BMPR1A: variants seen among roughly 807,000 people sequenced by gnomAD.
The protein encoded by BMPR1A is bone morphogenetic protein receptor type 1A.
In BMPR1A, 7 loss-of-function variants were observed where a neutral mutation model predicts 66.0. The ratio of observed to expected loss-of-function variants is 0.11; its 90% CI spans 0.06 to 0.20. BMPR1A has a LOEUF of 0.20. BMPR1A is among the 10% of genes least tolerant of loss of function. BMPR1A has a pLI of 1.00. For synonymous variants in BMPR1A, 200 were observed against 229.7 expected, an observed-to-expected ratio of 0.87 and a Z score of 1.17; for missense variants, 408 against 669.1, an observed-to-expected ratio of 0.61 and a Z score of 4.31.
At chr10:86,858,278 A>C (rs185154129) in intron 2 of BMPR1A, among the ~76,000 whole-genome samples, 2 of 152,220 alleles carry the variant, frequency 1.3e-5, no homozygotes, top group Non-Finnish European at 2.9e-5. Flanking sequence ...ATTTATAATT[A>C]ATTTAGGAAC....
chr10:86,921,428 A>C, intron 10 of BMPR1A, 92 bp from the exon 11 acceptor site: 1 of 1,546,208 alleles, frequency 6.5e-7, no homozygotes, highest in Non-Finnish European at 8.9e-7. Flanking sequence ...CCCCAAGGAG[A>C]AAAAGAAGCT....
chr10:86,853,564 C>T (rs1842600469), intron 2 of BMPR1A, among the ~76,000 whole-genome samples: 1 of 151,682 alleles, frequency 6.6e-6, no homozygotes, highest in Non-Finnish European at 1.5e-5. Context: ...GGGAACCTGC[C>T]CCGATAGTCA....
At chr10:86,916,982 G>GACT (rs1255846242) in intron 8 of BMPR1A, 152 bp from the exon 9 acceptor site, 12 of 804,906 alleles carry the variant, frequency 1.5e-5, no homozygotes, top group Non-Finnish European at 2.5e-5. Flanking sequence ...GACAGAGCGA[G>GACT]ACTCCATCTC....
rs540820283 is a variant in BMPR1A, at chr10:86,807,583, A to C, written c.-267-31282A>C. Reference sequence around the variant, plus strand: ...TTTTGTGTAGAGACAGAGTCTTGCTATGTTGGCTAGTCTGGTCTTGAATTC... The same window carrying C: ...TTTTGTGTAGAGACAGAGTCTTGCTCTGTTGGCTAGTCTGGTCTTGAATTC... On this transcript the variant is annotated intron_variant, in intron 1 of 12. Coordinates refer to ENST00000372037, the MANE Select transcript of BMPR1A (RefSeq NM_004329.3). Among the ~76,000 whole-genome samples, 4 of 151,792 alleles carry C rather than the reference A, an allele frequency of 2.6e-5. 1 individual carries two copies. Among genetic ancestry groups the C allele is most frequent in the African/African-American group, 7.3e-5 (3 of 41,378 alleles).
At chr10:86,864,109 C>T (rs1478767435) in intron 2 of BMPR1A, among the ~76,000 whole-genome samples, 1 of 152,204 alleles carries the variant, frequency 6.6e-6, no homozygotes, top group Admixed American at 6.5e-5. Context: ...AGCACTCCTT[C>T]TCACCTTTTT....
chr10:86,781,149 C>T (rs562083478), intron 1 of BMPR1A, among the ~76,000 whole-genome samples: 4 of 152,156 alleles, frequency 2.6e-5, no homozygotes, highest in Admixed American at 2.0e-4. Context: ...ACACCATGCC[C>T]GGCTCTCATT....
chr10:86,883,432 C>G (rs1207269979), intron 3 of BMPR1A, among the ~76,000 whole-genome samples: 3 of 151,516 alleles, frequency 2.0e-5, no homozygotes, highest in Non-Finnish European at 4.4e-5. Flanking sequence ...CGCCTGTAGT[C>G]CCAGCTACTC....
Position 86,781,097 on chromosome 10 carries a change from G to A in BMPR1A, c.-268+24178G>A, listed in dbSNP as rs546941782. ...TCTCGAACTCTTGACCTGGTGATCC[G>A]CCCGCCTTGGCCTCGCAAAGTACTG... On this transcript the variant is annotated intron_variant, in intron 1 of 12. Transcript: ENST00000372037. 2.4e-4 allele frequency among the ~76,000 whole-genome samples: 36 copies of A among 151,908 alleles called. 1 individual carries two copies. The South Asian group carries it at 6.0e-3, about 26-fold the overall frequency.
chr10:86,887,849 G>A (rs1016883232), intron 3 of BMPR1A, among the ~76,000 whole-genome samples: 3 of 152,164 alleles, frequency 2.0e-5, no homozygotes, highest in Non-Finnish European at 4.4e-5. Context: ...AATGAAGCCT[G>A]GAAAGGTGAC....
At chr10:86,855,736 A>C in intron 2 of BMPR1A, 6 of 888,386 alleles carry the variant, frequency 6.8e-6, no homozygotes, top group Non-Finnish European at 1.1e-5. Context: ...CTTTGAGACC[A>C]GCTTTCTTTT....
chr10:86,842,570 C>G (rs1259956951), intron 2 of BMPR1A, among the ~76,000 whole-genome samples: 2 of 151,958 alleles, frequency 1.3e-5, no homozygotes, highest in Non-Finnish European at 2.9e-5. Context: ...GAAAAATGGG[C>G]AGTCATTGAA....
chr10:86,886,828 C>CTTTTTTTTTTTTTTTTTTTTTTTTTTT (rs10572910), intron 3 of BMPR1A, among the ~76,000 whole-genome samples: 1 of 76,708 alleles, frequency 1.3e-5, no homozygotes, highest in Non-Finnish European at 2.7e-5. Context: ...TATTTTGTCA[C>CTTTTTTTTTTTTTTTTTTTTTTTTTTT]TTTTTTTTTT....
At chr10:86,835,006 G>C (rs147570819) in intron 1 of BMPR1A, among the ~76,000 whole-genome samples, 2 of 152,034 alleles carry the variant, frequency 1.3e-5, no homozygotes, top group Non-Finnish European at 2.9e-5. Flanking sequence ...AGGAAAAAAT[G>C]TGCAATCAGT....
intron 10 of BMPR1A, among the ~76,000 whole-genome samples, chr10:86,920,213 G>A (rs547239889): frequency 1.3e-5 from 2 of 152,276 alleles, no homozygotes; most frequent in South Asian, 4.2e-4. Context: ...ATTTCTTCAT[G>A]ATGGATTCCT....
At chr10:86,899,911 C>A (rs765940263) in intron 6 of BMPR1A, 21 bp downstream of exon 6, 1 of 1,611,636 alleles carries the variant, frequency 6.2e-7, no homozygotes, top group South Asian at 1.1e-5. Flanking sequence ...CGAGAAAAGT[C>A]GGAGCATGCT....
chr10:86,921,455 A>G, intron 10 of BMPR1A, 65 bp from the exon 11 acceptor site: 4 of 1,604,122 alleles, frequency 2.5e-6, no homozygotes, highest in South Asian at 2.2e-5. Context: ...AAATAGGACA[A>G]AAATACAAGA....
intron 11 of BMPR1A, among the ~76,000 whole-genome samples, chr10:86,922,352 T>A (rs972585876): frequency 2.6e-5 from 4 of 152,234 alleles, no homozygotes; most frequent in African/African-American, 9.6e-5. Flanking sequence ...TGAACAGTGC[T>A]GCAGCAAACA....
intron 1 of BMPR1A, among the ~76,000 whole-genome samples, chr10:86,800,262 CTGCCATCTGCCCGGCTCTCAGT>C (rs1841792403): frequency 6.6e-6 from 1 of 152,142 alleles, no homozygotes; most frequent in South Asian, 2.1e-4. Flanking sequence ...GCTGTTCTCC[CTGCCATCTGCCCGGCTCTCAGT>C]TGCCATCACT....
chr10:86,825,101 TTTTG>T (rs532017918), intron 1 of BMPR1A, among the ~76,000 whole-genome samples: 5 of 151,782 alleles, frequency 3.3e-5, no homozygotes, highest in Non-Finnish European at 7.4e-5. Flanking sequence ...TTTCCTTGCT[TTTTG>T]TTTGTTTGTT....
Sources: gnomAD v4.1 joint callset for allele counts (sites outside exome capture counted in the v4.1 genomes callset) on GRCh38, gnomAD v4.1.1 for gene constraint, MANE v1.5 for transcripts, NCBI Gene and HGNC (gene_info 2026-07-23, HGNC 2026-07-21) for gene names.